Variants in WWTR1 observed in about 807,000 individuals in gnomAD.
WWTR1 encodes WW domain containing transcription regulator 1, also known as WW domain-containing transcription regulator protein 1.
WWTR1 carries 13 observed loss-of-function variants against 40.1 expected under a neutral mutation model. The ratio of observed to expected loss-of-function variants is 0.32; its 90% CI spans 0.21 to 0.52. The LOEUF is 0.52. Among genes scored for constraint, WWTR1 ranks in the 20% least tolerant of loss-of-function variants. WWTR1 has a pLI of 0.97. For missense variants in WWTR1, 436 were observed against 523.1 expected (o/e 0.83, Z 1.63); for synonymous variants, 230 against 210.1 (o/e 1.09, Z -0.82).
chr3:149,656,829 G>T (rs753826966), intron 2 of WWTR1, 47 bp downstream of exon 2: 6 of 1,459,580 alleles, frequency 4.1e-6, no homozygotes, highest in Non-Finnish European at 2.7e-6. Flanking sequence ...ACACGCGCGC[G>T]TTGGGCACTG....
At chr3:149,548,902 G>A (rs2107950866) in intron 3 of WWTR1, among the ~76,000 whole-genome samples, 1 of 152,258 alleles carries the variant, frequency 6.6e-6, no homozygotes, top group East Asian at 1.9e-4. Flanking sequence ...GCCTCCCCAA[G>A]CCCTCCATGA....
At chr3:149,597,404 T>C (rs965162611) in intron 2 of WWTR1, among the ~76,000 whole-genome samples, 4 of 122,242 alleles carry the variant, frequency 3.3e-5, no homozygotes, top group African/African-American at 9.8e-5. Context: ...GAGACCAGCC[T>C]GGGCAACATG....
In WWTR1 at chr3:149,518,064, A is replaced by T. The variant is rs565034846; in HGVS notation, c.*2741T>A. The T allele has an allele frequency of 6.6e-6, 1 of 152,308 alleles. No individual in the cohort carries two copies. The highest frequency in any genetic ancestry group is 2.1e-4 in the South Asian group (1 of 4,822). The allele number at this position is 152,308 out of a possible 1,614,324, so 9.4% of individuals were successfully genotyped here. On this transcript the variant is annotated 3_prime_UTR_variant, in exon 7 of 7. Coordinates refer to ENST00000360632, the MANE Select transcript of WWTR1 (RefSeq NM_015472.6). ...CAATAATAGGAAATAGCCATTAAAA[A>T]GTTGCTCTAACTTTAGATTTCTAAC...
intron 2 of WWTR1, among the ~76,000 whole-genome samples, chr3:149,648,372 A>G (rs2108142715): frequency 6.6e-6 from 1 of 152,286 alleles, no homozygotes; most frequent in South Asian, 2.1e-4. Flanking sequence ...ATGCCAAGCA[A>G]GACAAACATC....
intron 4 of WWTR1, among the ~76,000 whole-genome samples, chr3:149,539,357 A>G (rs1012970859): frequency 6.6e-6 from 1 of 152,180 alleles, no homozygotes; most frequent in Non-Finnish European, 1.5e-5. Context: ...TACTTATTAA[A>G]TTTTGCCAAC....
chr3:149,554,650 GA>G (rs142486325), intron 3 of WWTR1, among the ~76,000 whole-genome samples: 2,017 of 146,206 alleles, frequency 0.014, 19 homozygotes, highest in Non-Finnish European at 0.021. Context: ...GAAGTCTAGG[GA>G]AAAAAAAAAA....
intron 3 of WWTR1, among the ~76,000 whole-genome samples, chr3:149,558,259 A>C (rs1302858920): frequency 6.6e-6 from 1 of 152,028 alleles, no homozygotes; most frequent in Non-Finnish European, 1.5e-5. Flanking sequence ...GACTCTAATA[A>C]ACATAGCCTA....
chr3:149,657,329 T>C lies in WWTR1; in HGVS notation c.-3-20A>G. On this transcript the variant is annotated intron_variant, in intron 1 of 6. Transcript: ENST00000360632. ...CATCTTCTGCAAAAAGAAGGTCAGA[T>C]CAGCCTTTTATTTAAAGTCGGAGGA... The C allele has an allele frequency of 2.5e-6, 4 of 1,596,570 alleles. No homozygotes were observed. Among genetic ancestry groups the C allele is most frequent in the Non-Finnish European group, 3.4e-6 (4 of 1,170,920 alleles).
intron 2 of WWTR1, among the ~76,000 whole-genome samples, chr3:149,665,930 T>TG (rs1207439140): frequency 2.6e-5 from 4 of 152,212 alleles, no homozygotes; most frequent in Non-Finnish European, 4.4e-5. Context: ...GTGTTTGGGG[T>TG]GGGGGGAATT....
intron 2 of WWTR1, among the ~76,000 whole-genome samples, chr3:149,663,299 T>C: frequency 6.6e-6 from 1 of 151,632 alleles, no homozygotes; most frequent in Non-Finnish European, 1.5e-5. Flanking sequence ...ATTACAGATG[T>C]GAGCCACCAG....
chr3:149,720,891 A>T (rs1042072249), intron 4 of WWTR1, among the ~76,000 whole-genome samples: 1 of 152,000 alleles, frequency 6.6e-6, no homozygotes, highest in African/African-American at 2.4e-5. Context: ...TTATAAATGG[A>T]ATTGTTTTCT....
intron 1 of WWTR1, among the ~76,000 whole-genome samples, chr3:149,690,042 C>T (rs1274547770): frequency 2.6e-5 from 4 of 152,056 alleles, no homozygotes; most frequent in African/African-American, 9.7e-5. Flanking sequence ...TTTTTGCAAT[C>T]AGAGTTAAGT....
chr3:149,609,171 G>A (rs1739622110), intron 2 of WWTR1, among the ~76,000 whole-genome samples: 1 of 152,138 alleles, frequency 6.6e-6, no homozygotes, highest in Non-Finnish European at 1.5e-5. Flanking sequence ...GGCAGCCAAG[G>A]TCCAAAGTGC....
At chr3:149,568,406 G>A (rs931836555) in intron 3 of WWTR1, among the ~76,000 whole-genome samples, 2 of 151,658 alleles carry the variant, frequency 1.3e-5, no homozygotes, top group African/African-American at 2.4e-5. Flanking sequence ...CAGGCTTAAA[G>A]GCCATTACTC....
At chr3:149,533,575 G>A (rs1418396727) in intron 4 of WWTR1, among the ~76,000 whole-genome samples, 2 of 152,198 alleles carry the variant, frequency 1.3e-5, no homozygotes, top group Admixed American at 1.3e-4. Flanking sequence ...ATTAGCCACC[G>A]GATTTCTGAA....
At chr3:149,658,161 C>T (rs772727256), upstream of WWTR1, 75 of 154,072 alleles carry the variant, frequency 4.9e-4, no homozygotes, top group Non-Finnish European at 2.7e-4. Flanking sequence ...TCCTCCTCCT[C>T]CTCCTCCCAC....
chr3:149,578,645 C>T (rs1738000438), intron 2 of WWTR1, among the ~76,000 whole-genome samples: 1 of 152,156 alleles, frequency 6.6e-6, no homozygotes, highest in South Asian at 2.1e-4. Context: ...GGCCTGTAAT[C>T]CCAGCACTTT....
intron 1 of WWTR1, among the ~76,000 whole-genome samples, chr3:149,675,039 C>CGCTA (rs1304686292): frequency 6.6e-6 from 1 of 152,212 alleles, no homozygotes; most frequent in Non-Finnish European, 1.5e-5. Flanking sequence ...GTCCTTGAGA[C>CGCTA]GCTAGTCCGG....
chr3:149,711,179 AG>A lies in WWTR1; in HGVS notation n.584+6262del, dbSNP rs58478256. Among the ~76,000 whole-genome samples, 32 of 149,706 alleles carry A rather than the reference AG, an allele frequency of 2.1e-4. 1 individual carries two copies. The highest frequency in any genetic ancestry group is 6.1e-4 in the African/African-American group (25 of 40,898). On this transcript the variant is annotated intron_variant and non_coding_transcript_variant, in intron 5 of 6. Coordinates refer to the WWTR1 transcript ENST00000474080. ...CACTTGCTAAAAAAAAAAAAAAAAA[AG>A]GGAGGCTGGATGTGGTTGCTTGTGC...
Sources: gnomAD v4.1 joint callset for allele counts (sites outside exome capture counted in the v4.1 genomes callset) on GRCh38, gnomAD v4.1.1 for gene constraint, MANE v1.5 for transcripts, NCBI Gene and HGNC (gene_info 2026-07-23, HGNC 2026-07-21) for gene names.